The following STAM2 variants were observed in gnomAD, a reference collection of about 807,000 sequenced individuals.
STAM2 encodes the protein signal transducing adapter molecule 2.
A neutral mutation model predicts 65.6 loss-of-function variants in STAM2; 51 were observed. The observed-to-expected ratio is 0.78, with a 90% confidence interval of 0.62 to 0.98. STAM2 has a LOEUF of 0.98. STAM2 is among the 50% of genes least tolerant of loss of function. STAM2 has a pLI of 0.00. For synonymous variants in STAM2, 198 were observed against 208.4 expected (o/e 0.95, Z 0.43); for missense variants, 584 against 617.8 (o/e 0.95, Z 0.58).
intron 1 of STAM2, among the ~76,000 whole-genome samples, chr2:152,160,521 C>T (rs1689646741): frequency 6.6e-6 from 1 of 151,068 alleles, no homozygotes; most frequent in Admixed American, 6.6e-5. Context: ...AGTGAGGAGC[C>T]CCTCCGCCCG....
chr2:152,158,361 A>C (rs575422195), intron 1 of STAM2, among the ~76,000 whole-genome samples: 4 of 152,270 alleles, frequency 2.6e-5, no homozygotes, highest in African/African-American at 9.6e-5. Context: ...CTATAGTCCC[A>C]GCTACTCAGG....
chr2:152,156,832 A>C (rs1401192544), intron 1 of STAM2, among the ~76,000 whole-genome samples: 4 of 152,138 alleles, frequency 2.6e-5, no homozygotes, highest in Non-Finnish European at 4.4e-5. Context: ...GAAAACTTTA[A>C]AGCTCCTCCT....
intron 1 of STAM2, among the ~76,000 whole-genome samples, chr2:152,166,368 AT>A (rs1464400505): frequency 1.3e-5 from 2 of 152,368 alleles, no homozygotes; most frequent in African/African-American, 2.4e-5. Context: ...GAGGAAAAAA[AT>A]AACAAGAGAT....
intron 1 of STAM2, 103 bp from the exon 2 acceptor site, chr2:152,150,332 C>T (rs567310474): frequency 5.7e-6 from 4 of 697,150 alleles, no homozygotes; most frequent in African/African-American, 3.6e-5. Context: ...TTTCTATTGC[C>T]GAAGATACTA....
intron 1 of STAM2, among the ~76,000 whole-genome samples, chr2:152,156,094 T>C (rs192401131): frequency 2.6e-5 from 4 of 152,330 alleles, no homozygotes; most frequent in Non-Finnish European, 4.4e-5. Context: ...TTTCCAATTC[T>C]GGTCATGTAA....
At chr2:152,152,823 T>C (rs1689470847) in intron 1 of STAM2, among the ~76,000 whole-genome samples, 1 of 152,212 alleles carries the variant, frequency 6.6e-6, no homozygotes, top group African/African-American at 2.4e-5. Flanking sequence ...CACCATATTC[T>C]TTAGGGATAT....
At chr2:152,135,968 T>TA (rs1413713652) in intron 7 of STAM2, among the ~76,000 whole-genome samples, 1 of 151,498 alleles carries the variant, frequency 6.6e-6, no homozygotes, top group Non-Finnish European at 1.5e-5. Flanking sequence ...CACACACCTG[T>TA]AGTCCCAGCT....
intron 10 of STAM2, among the ~76,000 whole-genome samples, chr2:152,132,599 C>T (rs1165427319): frequency 2.0e-5 from 3 of 152,092 alleles, no homozygotes; most frequent in African/African-American, 7.2e-5. Flanking sequence ...TGAACACTGA[C>T]ACAATAAAGA....
intron 12 of STAM2, chr2:152,125,973 T>C: frequency 3.3e-6 from 1 of 307,314 alleles, no homozygotes; most frequent in East Asian, 6.0e-5. Context: ...GAACCAGAAC[T>C]ACCCTCACAT....
chr2:152,121,881 A>G (rs1471311472), intron 13 of STAM2, among the ~76,000 whole-genome samples: 1 of 151,960 alleles, frequency 6.6e-6, no homozygotes, highest in Non-Finnish European at 1.5e-5. Context: ...CGTCTCTACT[A>G]CAAATACAAA....
chr2:152,124,679 T>C lies in STAM2; in HGVS notation c.1180-744A>G, dbSNP rs1688919467. On this transcript the variant is annotated intron_variant, in intron 12 of 13. Coordinates refer to ENST00000263904, the MANE Select transcript of STAM2 (RefSeq NM_005843.6). ...ACCATAATGATCATCAATCCAGTTT[T>C]AAATTAAGCTATTTTTAAAGTAAAT... The C allele has an allele frequency of 2.6e-5, 4 of 152,350 alleles. No individual in the cohort carries two copies. The South Asian group carries it at 8.3e-4, about 32-fold the overall frequency. The allele number at this position is 152,350 out of a possible 1,614,324, so 9.4% of individuals were successfully genotyped here.
chr2:152,167,137 A>G (rs1326949566), intron 1 of STAM2, among the ~76,000 whole-genome samples: 2 of 152,198 alleles, frequency 1.3e-5, no homozygotes, highest in African/African-American at 4.8e-5. Context: ...CACAGTTCTG[A>G]GCTTGCATTA....
At chr2:152,166,798 T>C (rs547420302) in intron 1 of STAM2, among the ~76,000 whole-genome samples, 2 of 152,328 alleles carry the variant, frequency 1.3e-5, no homozygotes, top group South Asian at 2.1e-4. Context: ...AAGGTTAAGA[T>C]AATTCATCCC....
Position 152,120,619 on chromosome 2 carries a change from T to C in STAM2, c.1533A>G (p.Pro511=). 6.2e-7 allele frequency: 1 copy of C among 1,614,158 alleles called. No individual in the cohort carries two copies. The highest frequency in any genetic ancestry group is 2.2e-5 in the East Asian group (1 of 44,866). Reference sequence around the variant, plus strand: ...GGTAATTTGTGTGCTGCTGTGCAACTGGATGAGCTGGAACTGTCACCGGAA... The same window carrying C: ...GGTAATTTGTGTGCTGCTGTGCAACCGGATGAGCTGGAACTGTCACCGGAA... The part of the protein sequence containing the change: ...AGFPVTVPAH[P]VAQQHTNYHQ... Residue 511 remains proline, a synonymous_variant, in exon 14 of 14, where the codon CCA becomes CCG. Transcript: ENST00000263904.
intron 13 of STAM2, among the ~76,000 whole-genome samples, chr2:152,121,870 C>T (rs1178955874): frequency 2.0e-5 from 3 of 151,890 alleles, no homozygotes; most frequent in African/African-American, 7.3e-5. Flanking sequence ...CAGTGAAACT[C>T]CGTCTCTACT....
At chr2:152,122,244 A>G (rs1271915526) in intron 13 of STAM2, among the ~76,000 whole-genome samples, 1 of 151,862 alleles carries the variant, frequency 6.6e-6, no homozygotes, top group Admixed American at 6.6e-5. Context: ...CCCAGGCAAC[A>G]TGGCAATACC....
At chr2:152,161,598 C>T (rs1689680745) in intron 1 of STAM2, among the ~76,000 whole-genome samples, 1 of 151,444 alleles carries the variant, frequency 6.6e-6, no homozygotes, top group African/African-American at 2.4e-5. Flanking sequence ...ATGCCCAATA[C>T]CTCAACCTGA....
chr2:152,150,719 T>C (rs1048504319), intron 1 of STAM2, among the ~76,000 whole-genome samples: 63 of 152,166 alleles, frequency 4.1e-4, no homozygotes, highest in African/African-American at 1.3e-3. Flanking sequence ...AATGGGAGGA[T>C]TGCTTGAGCC....
intron 1 of STAM2, among the ~76,000 whole-genome samples, chr2:152,160,473 TGA>T (rs1689645201): frequency 6.7e-6 from 1 of 149,002 alleles, no homozygotes; most frequent in Non-Finnish European, 1.5e-5. Context: ...GTCTGAGAAG[TGA>T]GGAGCCCCTC....
Sources: gnomAD v4.1 joint callset for allele counts (sites outside exome capture counted in the v4.1 genomes callset) on GRCh38, gnomAD v4.1.1 for gene constraint, MANE v1.5 for transcripts, NCBI Gene and HGNC (gene_info 2026-07-23, HGNC 2026-07-21) for gene names.